MGAT3: variants seen among roughly 807,000 people sequenced by gnomAD.
MGAT3 encodes beta-1,4-mannosyl-glycoprotein 4-beta-N-acetylglucosaminyltransferase, also known as GlcNAc-T III.
A neutral mutation model predicts 29.8 loss-of-function variants in MGAT3; 9 were observed. The observed-to-expected ratio is 0.30, with a 90% CI of 0.18 to 0.53. The LOEUF (loss-of-function observed/expected upper bound fraction) is 0.53. Among genes scored for constraint, MGAT3 ranks in the 20% least tolerant of loss-of-function variants. MGAT3 has a pLI of 0.96. For synonymous variants in MGAT3, 397 were observed against 348.9 expected (o/e 1.14, Z -1.54); for missense variants, 557 against 769.5 (o/e 0.72, Z 3.27).
intron 1 of MGAT3, among the ~76,000 whole-genome samples, chr22:39,470,213 G>T (rs998911684): frequency 6.6e-6 from 1 of 152,204 alleles, no homozygotes; most frequent in Non-Finnish European, 1.5e-5. Flanking sequence ...ATGAGCGCTG[G>T]GGGGACAGCC....
In MGAT3 at chr22:39,487,677, C is replaced by T. The variant is rs1205519736; in HGVS notation, c.330C>T (p.Arg110=). ...AGGACACCACCGAGTATTTCGTGCG[C>T]ACCAAGGCCGGCGGCGTCTGCTTCA... is the stretch of plus-strand genomic sequence containing the variant. ...LPEDTTEYFV[R]TKAGGVCFKP... is the part of the protein sequence containing the mutation. Residue 110 remains arginine (R), a synonymous_variant, in exon 2 of 2, where the codon CGC becomes CGT. Transcript: ENST00000341184. The surrounding 1 kb of genome is among the most constrained non-coding windows in gnomAD (Gnocchi z 5.7). The T allele has an allele frequency of 6.2e-7, 1 of 1,603,092 alleles. No individual in the cohort carries two copies. The highest frequency in any genetic ancestry group is 8.5e-7 in the Non-Finnish European group (1 of 1,174,410).
In MGAT3 at chr22:39,457,162, G is replaced by C. The variant is rs951464045; in HGVS notation, c.-397G>C. ...GCGGGGGAGGGGAGGGGGTTGCGGA[G>C]GGGGCGGGGTGGGGGCCGGAGCCGC... On this transcript the variant is annotated 5_prime_UTR_variant, in exon 1 of 2. Coordinates refer to ENST00000341184, the MANE Select transcript of MGAT3 (RefSeq NM_002409.5). The surrounding 1 kb of genome is among the most constrained non-coding windows in gnomAD (Gnocchi z 6.8). Among the ~76,000 whole-genome samples the C allele has an allele frequency of 6.9e-6, 1 of 145,514 alleles. No homozygotes were observed. Among genetic ancestry groups the C allele is most frequent in the Non-Finnish European group, 1.5e-5 (1 of 65,492 alleles).
At chr22:39,479,544 C>A (rs1407917268) in intron 1 of MGAT3, among the ~76,000 whole-genome samples, 1 of 152,238 alleles carries the variant, frequency 6.6e-6, no homozygotes, top group East Asian at 1.9e-4. Context: ...CCCACCTAGG[C>A]TTAGGCCCTG....
chr22:39,480,579 C>G (rs115334954), intron 1 of MGAT3, among the ~76,000 whole-genome samples: 1 of 151,998 alleles, frequency 6.6e-6, no homozygotes, highest in Non-Finnish European at 1.5e-5. Flanking sequence ...AGCTTCTAGA[C>G]AGCATGCTGC....
At position 39,488,901 on chromosome 22, in the gene MGAT3, C is replaced by T. The variant is rs202126201; in HGVS notation, c.1554C>T (p.Pro518=). 7 of 1,601,600 alleles carry T rather than the reference C, an allele frequency of 4.4e-6. No individual in the cohort carries two copies. In the South Asian group the frequency reaches 4.5e-5, roughly 10 times the overall value. ...TAAGGWRHRG[P]EGRPPARGKL... is the part of the protein sequence containing the mutation. ...CGGGCGGGTGGCGCCACAGGGGTCC[C>T]GAGGGAAGGCCGCCCGCCCGGGGCA... The change falls in exon 2 of 2, where the codon CCC becomes CCT. Residue 518 remains proline, a synonymous_variant. Coordinates refer to ENST00000341184, the MANE Select transcript of MGAT3 (RefSeq NM_002409.5).
rs1025557474 is a variant in MGAT3, at chr22:39,488,397, C to T, written c.1050C>T (p.Gly350=). The change falls in exon 2 of 2, where the codon GGC becomes GGT. Residue 350 remains glycine (G), a synonymous_variant. Coordinates refer to ENST00000341184, the MANE Select transcript of MGAT3 (RefSeq NM_002409.5). The part of the protein sequence containing the change: ...FAFHMRKSLY[G]FFWKQPGTLE... ...TCCACATGCGCAAGTCGCTCTACGG[C>T]TTCTTCTGGAAGCAGCCGGGCACCC... 2.5e-6 allele frequency: 4 copies of T among 1,612,956 alleles called. No individual in the cohort carries two copies. The Admixed American group carries it at 6.7e-5, about 27-fold the overall frequency.
chr22:39,474,867 G>A (rs1261045060), intron 1 of MGAT3, among the ~76,000 whole-genome samples: 2 of 152,180 alleles, frequency 1.3e-5, no homozygotes, highest in African/African-American at 4.8e-5. Flanking sequence ...AGAGCCCTCG[G>A]GCCCTCCTGA....
At chr22:39,462,151 G>A (rs546506005) in intron 1 of MGAT3, among the ~76,000 whole-genome samples, 45 of 151,974 alleles carry the variant, frequency 3.0e-4, no homozygotes, top group South Asian at 8.3e-4. Context: ...CGCCTGCCTC[G>A]GCCTCCCAAA....
At chr22:39,465,182 A>C (rs1928605469) in intron 1 of MGAT3, among the ~76,000 whole-genome samples, 1 of 152,148 alleles carries the variant, frequency 6.6e-6, no homozygotes, top group South Asian at 2.1e-4. Flanking sequence ...AAATGCTCTG[A>C]ACTGGGGGCA....
At position 39,490,858 on chromosome 22, in the gene MGAT3, C is replaced by T. The variant is rs1240902141; in HGVS notation, c.*1909C>T. 1 of 166,866 alleles carries T rather than the reference C, an allele frequency of 6.0e-6. No homozygotes were observed. Among genetic ancestry groups the T allele is most frequent in the Non-Finnish European group, 1.5e-5 (1 of 68,062 alleles). The allele number at this position is 166,866 out of a possible 1,614,324, so 10.3% of individuals were successfully genotyped here. On this transcript the variant is annotated 3_prime_UTR_variant, in exon 2 of 2. Transcript: ENST00000341184. ...CTCTTCCTCGGGCCTGTGGCCACAC[C>T]TCCTGCAGCTCCCCAAAATGACTGA...
intron 1 of MGAT3, among the ~76,000 whole-genome samples, chr22:39,470,476 A>C (rs1229014633): frequency 6.6e-6 from 1 of 152,222 alleles, no homozygotes; most frequent in Non-Finnish European, 1.5e-5. Flanking sequence ...GCCAGGGTCC[A>C]TGGCACGCAG....
At chr22:39,483,006 G>C (rs1374152720) in intron 1 of MGAT3, among the ~76,000 whole-genome samples, 1 of 152,240 alleles carries the variant, frequency 6.6e-6, no homozygotes, top group Non-Finnish European at 1.5e-5. Flanking sequence ...GCAGGTCCAC[G>C]GAGGCCCTTT....
At chr22:39,463,610 G>T (rs1928556336) in intron 1 of MGAT3, among the ~76,000 whole-genome samples, 1 of 152,162 alleles carries the variant, frequency 6.6e-6, no homozygotes, top group Non-Finnish European at 1.5e-5. Context: ...CAACGGGAGG[G>T]CTGGAAGCCC....
chr22:39,468,681 G>T (rs1337783887), intron 1 of MGAT3, among the ~76,000 whole-genome samples: 2 of 150,176 alleles, frequency 1.3e-5, no homozygotes, highest in Non-Finnish European at 1.5e-5. Flanking sequence ...GTGCGGGTGT[G>T]TGGATTTGGC....
intron 1 of MGAT3, among the ~76,000 whole-genome samples, chr22:39,474,682 G>A (rs1273123444): frequency 1.3e-5 from 2 of 152,248 alleles, no homozygotes; most frequent in Non-Finnish European, 2.9e-5. Context: ...GAGATAAAGA[G>A]CCCTGTGCCT....
At chr22:39,468,385 C>T (rs921269927) in intron 1 of MGAT3, among the ~76,000 whole-genome samples, 1 of 152,164 alleles carries the variant, frequency 6.6e-6, no homozygotes, top group African/African-American at 2.4e-5. Flanking sequence ...AACACACAGC[C>T]GTGAGCTGTG....
In MGAT3 at chr22:39,488,040, G is replaced by A; in HGVS notation, c.693G>A (p.Val231=). Residue 231 remains valine, a synonymous_variant, in exon 2 of 2, where the codon GTG becomes GTA. Transcript: ENST00000341184. The part of the protein sequence containing the change: ...LDVRFHELGD[V]VDAFVVCESN... ...TGCGCTTCCACGAGCTGGGCGACGT[G>A]GTGGACGCCTTTGTGGTGTGCGAGT... 6.2e-7 allele frequency: 1 copy of A among 1,613,302 alleles called. No individual in the cohort carries two copies. Among genetic ancestry groups the A allele is most frequent in the Admixed American group, 1.7e-5 (1 of 60,026 alleles).
At position 39,457,999 on chromosome 22, in the gene MGAT3, C is replaced by A. The variant is rs1928387763; in HGVS notation, c.-2+442C>A. The stretch of plus-strand genomic sequence containing the variant: ...CTTCCCCACCCCCGACCCCAGACTG[C>A]GGCGGCGGCAGCCGAGGCCCAAGCG... On this transcript the variant is annotated intron_variant, in intron 1 of 1. Transcript: ENST00000341184. The surrounding 1 kb of genome is among the most constrained non-coding windows in gnomAD (Gnocchi z 6.8). 6.6e-6 allele frequency among the ~76,000 whole-genome samples: 1 copy of A among 152,020 alleles called. No individual in the cohort carries two copies. Among genetic ancestry groups the A allele is most frequent in the African/African-American group, 2.4e-5 (1 of 41,416 alleles).
At chr22:39,485,674 C>A (rs1432556306) in intron 1 of MGAT3, among the ~76,000 whole-genome samples, 1 of 151,998 alleles carries the variant, frequency 6.6e-6, no homozygotes, top group Non-Finnish European at 1.5e-5. Context: ...GCCTGTAATC[C>A]CAGCTACTTG....
Sources: gnomAD v4.1 joint callset for allele counts (sites outside exome capture counted in the v4.1 genomes callset) on GRCh38, gnomAD v4.1.1 for gene constraint, Gnocchi (gnomAD v3.1) non-coding constraint, MANE v1.5 for transcripts, NCBI Gene and HGNC (gene_info 2026-07-23, HGNC 2026-07-21) for gene names.